ARMH3: variants seen among roughly 807,000 people sequenced by gnomAD.
ARMH3 encodes the protein armadillo-like helical domain-containing protein 3.
In ARMH3, 60 loss-of-function variants were observed where a neutral mutation model predicts 99.1. That is an observed-to-expected ratio of 0.61 (90% CI 0.49 to 0.75). ARMH3 has a LOEUF of 0.75. Ranked by LOEUF, ARMH3 falls within the 30% of genes least tolerant of loss-of-function variation. The pLI is 0.00. For synonymous variants in ARMH3, 285 were observed against 292.8 expected (o/e 0.97, Z 0.27); for missense variants, 679 against 843.1 (o/e 0.81, Z 2.41).
At chr10:101,857,497 A>T (rs1329602130) in intron 24 of ARMH3, among the ~76,000 whole-genome samples, 1 of 152,192 alleles carries the variant, frequency 6.6e-6, no homozygotes, top group African/African-American at 2.4e-5. Context: ...GTCACTGGCA[A>T]ATGGACTGCT....
chr10:101,866,343 G>A (rs1463189152), intron 24 of ARMH3, among the ~76,000 whole-genome samples: 1 of 152,122 alleles, frequency 6.6e-6, no homozygotes, highest in Non-Finnish European at 1.5e-5. Flanking sequence ...GAGAGAGACT[G>A]AAAGTGCTCG....
chr10:101,895,628 G>A (rs757194106), intron 23 of ARMH3, among the ~76,000 whole-genome samples: 1 of 152,068 alleles, frequency 6.6e-6, no homozygotes, highest in Non-Finnish European at 1.5e-5. Context: ...CTTGAGGTCA[G>A]GCAGTGATTT....
intron 22 of ARMH3, among the ~76,000 whole-genome samples, chr10:101,955,766 G>T (rs1486912906): frequency 6.6e-6 from 1 of 152,212 alleles, no homozygotes; most frequent in Non-Finnish European, 1.5e-5. Context: ...AAGGAGACAT[G>T]AGAGGATTCT....
chr10:102,029,118 G>A (rs1357751800), intron 5 of ARMH3, among the ~76,000 whole-genome samples: 1 of 152,116 alleles, frequency 6.6e-6, no homozygotes, highest in Non-Finnish European at 1.5e-5. Flanking sequence ...CAAGCAATCC[G>A]CCTGCCTTGG....
chr10:101,980,091 C>A (rs566856226), intron 19 of ARMH3, among the ~76,000 whole-genome samples: 4 of 152,312 alleles, frequency 2.6e-5, no homozygotes, highest in African/African-American at 9.6e-5. Context: ...GAACTCCAGG[C>A]TCATCACACA....
At chr10:101,898,115 C>T in intron 23 of ARMH3, among the ~76,000 whole-genome samples, 1 of 151,952 alleles carries the variant, frequency 6.6e-6, no homozygotes, top group East Asian at 1.9e-4. Flanking sequence ...CACGGTGGCT[C>T]TCCCCTGTAA....
chr10:101,883,585 CAAGTATTT>C (rs2067468739), intron 24 of ARMH3, among the ~76,000 whole-genome samples: 1 of 152,056 alleles, frequency 6.6e-6, no homozygotes, highest in Admixed American at 6.6e-5. Context: ...CATCCAAACC[CAAGTATTT>C]AAGTTTCTCT....
At chr10:101,962,970 CTTTTT>C (rs11358645) in intron 20 of ARMH3, among the ~76,000 whole-genome samples, 5 of 131,764 alleles carry the variant, frequency 3.8e-5, no homozygotes, top group Non-Finnish European at 8.0e-5. Flanking sequence ...GTCTTTTTTT[CTTTTT>C]TTTTTTTTTT....
At position 101,995,369 on chromosome 10, in the gene ARMH3, A is replaced by T; in HGVS notation, c.1151-14T>A. On this transcript the variant is annotated splice_polypyrimidine_tract_variant and intron_variant, in intron 15 of 25. Transcript: ENST00000370033. ...GCCTGTGTTCATCTGTAAAGAAAAA[A>T]GAAACTCTTCTCTGTAAATCATCCA... is the stretch of plus-strand genomic sequence containing the variant. 6.2e-7 allele frequency: 1 copy of T among 1,609,170 alleles called. No individual in the cohort carries two copies. The highest frequency in any genetic ancestry group is 8.5e-7 in the Non-Finnish European group (1 of 1,176,078).
In ARMH3 at chr10:101,889,382, C is replaced by T. The variant is rs373610777; in HGVS notation, c.1860+30G>A. ...GCAACTGCTTGATCCTAGCCACCAACTAGGTCATCTGGGGAAAGTAGTGGC... is the reference window on the plus strand; with the variant it reads ...GCAACTGCTTGATCCTAGCCACCAATTAGGTCATCTGGGGAAAGTAGTGGC... On this transcript the variant is annotated intron_variant, in intron 24 of 25. Coordinates refer to ENST00000370033, the MANE Select transcript of ARMH3 (RefSeq NM_024541.3). The T allele has an allele frequency of 8.2e-6, 13 of 1,582,238 alleles. 1 individual carries two copies. The Middle Eastern group carries it at 1.2e-3, about 142-fold the overall frequency.
intron 1 of ARMH3, among the ~76,000 whole-genome samples, chr10:102,042,318 G>A (rs777150558): frequency 5.3e-5 from 8 of 152,194 alleles, no homozygotes; most frequent in Admixed American, 1.3e-4. Context: ...CAAGTTCTTA[G>A]ACGTGATAAG....
chr10:101,956,281 T>A (rs1845032587), intron 22 of ARMH3, among the ~76,000 whole-genome samples: 1 of 152,206 alleles, frequency 6.6e-6, no homozygotes, highest in Non-Finnish European at 1.5e-5. Context: ...TATTTGCTGC[T>A]GTCAATTCCC....
chr10:101,941,774 T>C (rs1466048887), intron 22 of ARMH3, among the ~76,000 whole-genome samples: 1 of 152,226 alleles, frequency 6.6e-6, no homozygotes, highest in South Asian at 2.1e-4. Flanking sequence ...ATTCATGTAA[T>C]GAACAAAATT....
Position 101,886,607 on chromosome 10 carries a change from C to CA in ARMH3, c.1860+2804dup, listed in dbSNP as rs1190584624. 3.9e-5 allele frequency among the ~76,000 whole-genome samples: 6 copies of CA among 152,176 alleles called. No homozygotes were observed. The East Asian group carries it at 5.8e-4, about 15-fold the overall frequency. On this transcript the variant is annotated intron_variant, in intron 24 of 25. Coordinates refer to ENST00000370033, the MANE Select transcript of ARMH3 (RefSeq NM_024541.3). ...GAATGATGAAGCCAATGACAATTAA[C>CA]AAAAAAATGTCATTTACCTTCTGGA...
intron 25 of ARMH3, among the ~76,000 whole-genome samples, chr10:101,848,708 G>C (rs1482189209): frequency 6.6e-6 from 1 of 152,148 alleles, no homozygotes; most frequent in Admixed American, 6.5e-5. Flanking sequence ...GCAGAACTGA[G>C]TAAGGCCGTG....
rs552283831 is a variant in ARMH3 at position 102,009,862 on chromosome 10, C to CA, written c.878+114dup. 1.7e-5 allele frequency: 19 copies of CA among 1,090,370 alleles called. No homozygotes were observed. In the African/African-American group the frequency reaches 2.5e-4, roughly 15 times the overall value. 67.5% of individuals were successfully genotyped at this position (1,090,370 alleles called of 1,614,324 possible). A position where few individuals can be genotyped will look rare whatever the true frequency, so the allele number is the denominator to read the frequency against. On this transcript the variant is annotated intron_variant, in intron 12 of 25. Coordinates refer to ENST00000370033, the MANE Select transcript of ARMH3 (RefSeq NM_024541.3). ...AACCCATGAAACATTTGAAAATCAC[C>CA]AAAAAAGTATGATTCTGTAAAAGAT... is the stretch of plus-strand genomic sequence containing the variant.
chr10:101,857,217 G>A (rs1325651319), intron 24 of ARMH3, among the ~76,000 whole-genome samples: 1 of 152,160 alleles, frequency 6.6e-6, no homozygotes, highest in African/African-American at 2.4e-5. Context: ...AAGCACTTTG[G>A]AAGGCCGAGG....
intron 8 of ARMH3, among the ~76,000 whole-genome samples, chr10:102,016,839 G>C (rs1435830344): frequency 6.6e-6 from 1 of 152,126 alleles, no homozygotes; most frequent in African/African-American, 2.4e-5. Context: ...TTATTTGATT[G>C]CAGGTACACT....
chr10:101,877,879 C>T (rs1054932026), intron 24 of ARMH3, among the ~76,000 whole-genome samples: 20 of 152,090 alleles, frequency 1.3e-4, no homozygotes, highest in Non-Finnish European at 2.5e-4. Flanking sequence ...CCTCTGCATT[C>T]ATCCAGCTTG....
Sources: allele counts gnomAD v4.1 joint callset (sites outside exome capture counted in the v4.1 genomes callset), GRCh38; gene constraint gnomAD v4.1.1; transcripts MANE v1.5; gene names NCBI Gene and HGNC (gene_info 2026-07-23, HGNC 2026-07-21).